Variants in PRKAR2B observed in about 807,000 individuals in gnomAD.
PRKAR2B encodes protein kinase cAMP-dependent type II regulatory subunit beta, also known as cAMP-dependent protein kinase type II-beta regulatory subunit.
A neutral mutation model predicts 49.9 loss-of-function variants in PRKAR2B; 14 were observed. The ratio of observed to expected loss-of-function variants is 0.28; its 90% confidence interval spans 0.19 to 0.44. The LOEUF (loss-of-function observed/expected upper bound fraction) is 0.44, where lower values mean the gene tolerates loss of function less well. Among genes scored for constraint, PRKAR2B ranks in the 20% least tolerant of loss-of-function variants. The pLI is 1.00. For synonymous variants in PRKAR2B, 196 were observed against 197.7 expected (o/e 0.99, Z 0.07); for missense variants, 393 against 537.9 (o/e 0.73, Z 2.67).
rs1015034237 is a variant in PRKAR2B at position 107,156,920 on chromosome 7, G to T, written c.919-64G>T. On this transcript the variant is annotated intron_variant, in intron 8 of 10. Coordinates refer to ENST00000265717, the MANE Select transcript of PRKAR2B (RefSeq NM_002736.3). ...TGGATCAATTTTAGGGATATGAAAG[G>T]TAACAAGATTGTTGTCAATTAATTT... The T allele has an allele frequency of 1.2e-5, 16 of 1,387,746 alleles. No individual in the cohort carries two copies. The African/African-American group carries it at 2.1e-4, about 19-fold the overall frequency. 86.0% of individuals were successfully genotyped at this position (1,387,746 alleles called of 1,614,324 possible).
At chr7:107,121,384 A>G (rs1562863509) in intron 2 of PRKAR2B, among the ~76,000 whole-genome samples, 5 of 152,188 alleles carry the variant, frequency 3.3e-5, no homozygotes, top group Non-Finnish European at 7.4e-5. Flanking sequence ...GATAATCTTT[A>G]CACAGTGTTT....
intron 1 of PRKAR2B, chr7:107,068,902 C>T (rs891691915): frequency 2.0e-5 from 3 of 152,122 alleles, no homozygotes; most frequent in African/African-American, 7.2e-5. Flanking sequence ...CTGAGACTTA[C>T]TGTAAAATGT....
rs542837824 is a variant in PRKAR2B at position 107,111,972 on chromosome 7, G to A, written c.344-9980G>A. On this transcript the variant is annotated intron_variant, in intron 2 of 10. Transcript: ENST00000265717. ...GCTTGAGCCGAGGAATTCATGACCA[G>A]CCTAAGCAATATAGCAAGAGCCTCC... Among the ~76,000 whole-genome samples, 9 of 120,360 alleles carry A rather than the reference G, an allele frequency of 7.5e-5. No individual in the cohort carries two copies. The South Asian group carries it at 2.6e-3, about 35-fold the overall frequency. The allele number at this position is 120,360 out of a possible 152,430, so 79.0% of individuals were successfully genotyped here.
intron 2 of PRKAR2B, among the ~76,000 whole-genome samples, chr7:107,094,284 G>A (rs1192245569): frequency 2.0e-5 from 3 of 152,114 alleles, no homozygotes; most frequent in Admixed American, 2.0e-4. Context: ...ATTTTTTCAC[G>A]TCTGTTGGCT....
chr7:107,045,278 T>C, intron 1 of PRKAR2B, 64 bp downstream of exon 1: 1 of 1,326,210 alleles, frequency 7.5e-7, no homozygotes, highest in Non-Finnish European at 9.8e-7. Flanking sequence ...CGCTCCCCGC[T>C]GTGCTCTCGG....
At chr7:107,052,182 G>A (rs1450986411) in intron 1 of PRKAR2B, among the ~76,000 whole-genome samples, 2 of 152,148 alleles carry the variant, frequency 1.3e-5, no homozygotes, top group Admixed American at 6.5e-5. Flanking sequence ...ACTCTGGGAG[G>A]CCGATGCGGG....
intron 2 of PRKAR2B, among the ~76,000 whole-genome samples, chr7:107,099,484 C>T (rs1794914550): frequency 6.6e-6 from 1 of 152,132 alleles, no homozygotes; most frequent in Non-Finnish European, 1.5e-5. Flanking sequence ...CGATGCCCCG[C>T]CCTGCACCGT....
At chr7:107,068,317 C>G (rs1261097195) in intron 1 of PRKAR2B, among the ~76,000 whole-genome samples, 1 of 152,110 alleles carries the variant, frequency 6.6e-6, no homozygotes, top group Non-Finnish European at 1.5e-5. Context: ...TGCCCCAAGG[C>G]TGAGAGAAGT....
chr7:107,149,444 G>A (rs1221054494), intron 6 of PRKAR2B, among the ~76,000 whole-genome samples: 2 of 151,982 alleles, frequency 1.3e-5, no homozygotes, highest in South Asian at 2.1e-4. Context: ...CAGAAGATTC[G>A]GTGTCTGGTG....
At chr7:107,146,489 T>C (rs1795896503) in intron 6 of PRKAR2B, 28 bp downstream of exon 6, 1 of 1,597,380 alleles carries the variant, frequency 6.3e-7, no homozygotes, top group Admixed American at 1.7e-5. Context: ...TTGACCTGAA[T>C]GTTATGATTT....
intron 2 of PRKAR2B, among the ~76,000 whole-genome samples, chr7:107,105,336 G>A (rs759674749): frequency 3.9e-5 from 6 of 152,104 alleles, no homozygotes; most frequent in Non-Finnish European, 7.3e-5. Flanking sequence ...ATTGAACTGT[G>A]GCCTGTAAGT....
At chr7:107,078,547 G>C (rs955578971) in intron 2 of PRKAR2B, among the ~76,000 whole-genome samples, 1 of 152,200 alleles carries the variant, frequency 6.6e-6, no homozygotes, top group Non-Finnish European at 1.5e-5. Context: ...GCCCACACTA[G>C]TATTATAATA....
At chr7:107,123,221 C>T (rs1049847674) in intron 3 of PRKAR2B, among the ~76,000 whole-genome samples, 3 of 152,158 alleles carry the variant, frequency 2.0e-5, no homozygotes, top group Admixed American at 2.0e-4. Flanking sequence ...ATTTGCAATA[C>T]AGTTTAAAAA....
At chr7:107,104,282 G>C (rs1420966289) in intron 2 of PRKAR2B, among the ~76,000 whole-genome samples, 5 of 152,150 alleles carry the variant, frequency 3.3e-5, no homozygotes, top group Non-Finnish European at 5.9e-5. Flanking sequence ...CAGTTCACCT[G>C]CCTCTGCCTC....
Position 107,099,224 on chromosome 7 carries a change from C to T in PRKAR2B, c.344-22728C>T, listed in dbSNP as rs531326754. On this transcript the variant is annotated intron_variant, in intron 2 of 10. Coordinates refer to ENST00000265717, the MANE Select transcript of PRKAR2B (RefSeq NM_002736.3). Reference sequence around the variant, plus strand: ...CTCAAGCCTCAGTAATGGTGGATGCCCCTTCCCTAGCCTCGCTGCCGCCTT... The same window carrying T: ...CTCAAGCCTCAGTAATGGTGGATGCTCCTTCCCTAGCCTCGCTGCCGCCTT... Among the ~76,000 whole-genome samples the T allele has an allele frequency of 9.2e-5, 14 of 152,278 alleles. No individual in the cohort carries two copies. The South Asian group carries it at 2.7e-3, about 29-fold the overall frequency.
At chr7:107,115,350 A>T (rs527476194) in intron 2 of PRKAR2B, among the ~76,000 whole-genome samples, 1 of 152,342 alleles carries the variant, frequency 6.6e-6, no homozygotes, top group Admixed American at 6.5e-5. Context: ...TTAAATATTC[A>T]CTTAAGTACT....
At chr7:107,114,324 C>CTGTGTGTGTGTGTGTG (rs58110858) in intron 2 of PRKAR2B, among the ~76,000 whole-genome samples, 5 of 130,872 alleles carry the variant, frequency 3.8e-5, no homozygotes, top group African/African-American at 1.1e-4. Flanking sequence ...GCATGTACAG[C>CTGTGTGTGTGTGTGTG]TGTGTGTGTG....
intron 2 of PRKAR2B, among the ~76,000 whole-genome samples, chr7:107,120,112 T>G (rs1411528465): frequency 1.3e-5 from 2 of 152,130 alleles, no homozygotes; most frequent in East Asian, 3.9e-4. Flanking sequence ...ACCTTAAGGT[T>G]GTTGTGAGGT....
chr7:107,150,231 C>T (rs1322359038), intron 6 of PRKAR2B, among the ~76,000 whole-genome samples: 1 of 152,044 alleles, frequency 6.6e-6, no homozygotes, highest in African/African-American at 2.4e-5. Context: ...ACTAGTTCTT[C>T]AACCGAGTTC....
Sources: gnomAD v4.1 joint callset for allele counts (sites outside exome capture counted in the v4.1 genomes callset) on GRCh38, gnomAD v4.1.1 for gene constraint, MANE v1.5 for transcripts, NCBI Gene and HGNC (gene_info 2026-07-23, HGNC 2026-07-21) for gene names.